The following KCNQ5 variants were observed in gnomAD, a reference collection of about 807,000 sequenced individuals.
The protein encoded by KCNQ5 is potassium voltage-gated channel subfamily KQT member 5.
Under a neutral mutation model 98.2 loss-of-function variants are expected in KCNQ5, and 30 were observed. That is an observed-to-expected ratio of 0.31 (90% confidence interval 0.23 to 0.41). KCNQ5 has a LOEUF of 0.41. KCNQ5 is among the 10% of genes least tolerant of loss of function. KCNQ5 has a pLI of 1.00. For synonymous variants in KCNQ5, 458 were observed against 449.4 expected (o/e 1.02, Z -0.24); for missense variants, 835 against 1,182.5 (o/e 0.71, Z 4.31).
intron 1 of KCNQ5, among the ~76,000 whole-genome samples, chr6:72,823,363 A>G (rs1378451246): frequency 6.6e-6 from 1 of 152,108 alleles, no homozygotes; most frequent in East Asian, 1.9e-4. Flanking sequence ...CACTGATTAT[A>G]TGTATCATTA....
At chr6:73,055,612 C>T (rs1582268524) in intron 3 of KCNQ5, 1 of 1,266,818 alleles carries the variant, frequency 7.9e-7, no homozygotes, top group Non-Finnish European at 1.2e-6. Context: ...TTCCCCAGAT[C>T]AAGGAGGGGA....
intron 3 of KCNQ5, among the ~76,000 whole-genome samples, chr6:73,053,775 A>T (rs772476399): frequency 1.3e-5 from 2 of 152,196 alleles, no homozygotes; most frequent in Non-Finnish European, 2.9e-5. Context: ...ACAACCGAAC[A>T]TCACACCTAG....
chr6:72,921,736 T>C lies in KCNQ5; in HGVS notation c.399-82172T>C, dbSNP rs1780409153. On this transcript the variant is annotated intron_variant, in intron 1 of 13. Coordinates refer to ENST00000370398, the MANE Select transcript of KCNQ5 (RefSeq NM_019842.4). ...TTTATTAATAAGTACTCATAATAAGTACTCTAAATTTGTTGACTAATCTTT... is the reference window on the plus strand; with the variant it reads ...TTTATTAATAAGTACTCATAATAAGCACTCTAAATTTGTTGACTAATCTTT... Among the ~76,000 whole-genome samples the C allele has an allele frequency of 2.0e-5, 3 of 152,206 alleles. No individual in the cohort carries two copies. In the South Asian group the frequency reaches 6.2e-4, roughly 32 times the overall value.
At chr6:72,858,764 T>C (rs566251733) in intron 1 of KCNQ5, among the ~76,000 whole-genome samples, 1 of 152,252 alleles carries the variant, frequency 6.6e-6, no homozygotes, top group African/African-American at 2.4e-5. Flanking sequence ...ATCTTGATTG[T>C]GGTGGTGGTT....
At chr6:73,075,142 G>A (rs928140701) in intron 3 of KCNQ5, among the ~76,000 whole-genome samples, 1 of 151,742 alleles carries the variant, frequency 6.6e-6, no homozygotes, top group Non-Finnish European at 1.5e-5. Context: ...AATTTACAAA[G>A]TGAAAAGCCC....
intron 1 of KCNQ5, among the ~76,000 whole-genome samples, chr6:72,895,682 TTATA>T (rs950078091): frequency 6.7e-6 from 1 of 148,962 alleles, no homozygotes; most frequent in Non-Finnish European, 1.5e-5. Context: ...TCAACATATA[TTATA>T]TATATATACT....
chr6:72,710,447 C>T (rs1769309220), intron 1 of KCNQ5, among the ~76,000 whole-genome samples: 1 of 152,110 alleles, frequency 6.6e-6, no homozygotes, highest in Non-Finnish European at 1.5e-5. Flanking sequence ...CTACAAGAGA[C>T]TAATTTCACC....
intron 1 of KCNQ5, among the ~76,000 whole-genome samples, chr6:72,715,529 A>G (rs1358977945): frequency 6.6e-6 from 1 of 152,220 alleles, no homozygotes; most frequent in Non-Finnish European, 1.5e-5. Flanking sequence ...GTGAAAATAC[A>G]GGAATGAGCA....
intron 1 of KCNQ5, among the ~76,000 whole-genome samples, chr6:72,741,474 G>A (rs1049849425): frequency 2.6e-5 from 4 of 152,140 alleles, no homozygotes; most frequent in Non-Finnish European, 4.4e-5. Context: ...ATGAGCATAT[G>A]AATCACCTGG....
intron 1 of KCNQ5, among the ~76,000 whole-genome samples, chr6:73,002,032 A>G (rs1769600464): frequency 1.3e-5 from 2 of 152,064 alleles, no homozygotes; most frequent in South Asian, 4.2e-4. Flanking sequence ...CTGAGGTGGG[A>G]GGATAGCTTG....
intron 7 of KCNQ5, among the ~76,000 whole-genome samples, chr6:73,116,915 A>G (rs1775525789): frequency 6.6e-6 from 1 of 152,192 alleles, no homozygotes; most frequent in South Asian, 2.1e-4. Context: ...CATTTCCAGT[A>G]AGGATCAAAC....
At chr6:72,711,240 G>T (rs189561156) in intron 1 of KCNQ5, among the ~76,000 whole-genome samples, 4 of 152,000 alleles carry the variant, frequency 2.6e-5, no homozygotes, top group Admixed American at 2.6e-4. Flanking sequence ...GCAAGAAGTA[G>T]CCATTTACAA....
At chr6:72,780,911 G>A (rs1020466532) in intron 1 of KCNQ5, among the ~76,000 whole-genome samples, 5 of 152,040 alleles carry the variant, frequency 3.3e-5, no homozygotes, top group African/African-American at 1.2e-4. Context: ...GAAAGAATGA[G>A]CCCCAGGTTT....
chr6:72,844,455 AT>A (rs1232930320), intron 1 of KCNQ5, among the ~76,000 whole-genome samples: 1 of 152,250 alleles, frequency 6.6e-6, no homozygotes, highest in Admixed American at 6.5e-5. Context: ...AATGAAACAT[AT>A]TCTTCAGTAA....
chr6:73,002,503 G>C (rs1769628093), intron 1 of KCNQ5, among the ~76,000 whole-genome samples: 1 of 152,194 alleles, frequency 6.6e-6, no homozygotes, highest in South Asian at 2.1e-4. Flanking sequence ...GTAAGAATGA[G>C]GAGAATGCAT....
intron 10 of KCNQ5, chr6:73,135,900 T>G (rs1776449095): frequency 6.6e-6 from 1 of 152,228 alleles, no homozygotes; most frequent in Admixed American, 6.5e-5. Flanking sequence ...CCCAGCCATG[T>G]GCAAATTTCC....
Position 72,960,972 on chromosome 6 carries a change from T to TA in KCNQ5, c.399-42928dup, listed in dbSNP as rs543315371. On this transcript the variant is annotated intron_variant, in intron 1 of 13. Coordinates refer to ENST00000370398, the MANE Select transcript of KCNQ5 (RefSeq NM_019842.4). ...CAGCCTGAGGAACAGCTCATCTCTT[T>TA]AAAAAAAATGCAGTTAGAGCCAGGG... Among the ~76,000 whole-genome samples, 253 of 152,126 alleles carry TA rather than the reference T, an allele frequency of 1.7e-3. 1 individual carries two copies. Among genetic ancestry groups the TA allele is most frequent in the Admixed American group, 6.5e-3 (99 of 15,280 alleles).
At chr6:73,117,205 C>G (rs1225507503) in intron 7 of KCNQ5, among the ~76,000 whole-genome samples, 2 of 152,208 alleles carry the variant, frequency 1.3e-5, no homozygotes, top group Non-Finnish European at 2.9e-5. Flanking sequence ...ACATCAGCTA[C>G]TGGATCACAG....
At chr6:73,157,946 C>G in intron 10 of KCNQ5, 1 of 769,728 alleles carries the variant, frequency 1.3e-6, no homozygotes, top group East Asian at 2.4e-5. Flanking sequence ...CAGGCTGTCT[C>G]GCGGTGAGCT....
Sources: gnomAD v4.1 joint callset for allele counts (sites outside exome capture counted in the v4.1 genomes callset) on GRCh38, gnomAD v4.1.1 for gene constraint, MANE v1.5 for transcripts, NCBI Gene and HGNC (gene_info 2026-07-23, HGNC 2026-07-21) for gene names.